Variants in ESRRG observed in about 807,000 individuals in gnomAD.
The protein encoded by ESRRG is estrogen-related receptor gamma.
ESRRG carries 13 observed loss-of-function variants against 44.0 expected under a neutral mutation model. The ratio of observed to expected loss-of-function variants is 0.30; its 90% CI spans 0.19 to 0.47. The LOEUF (loss-of-function observed/expected upper bound fraction) is 0.47. Among genes scored for constraint, ESRRG ranks in the 20% least tolerant of loss-of-function variants. ESRRG has a pLI of 1.00. For missense variants in ESRRG, 395 were observed against 580.6 expected (o/e 0.68, Z 3.29); for synonymous variants, 215 against 214.6 (o/e 1.00, Z -0.02).
At chr1:217,059,397 G>A (rs555623102) in intron 1 of ESRRG, among the ~76,000 whole-genome samples, 7 of 152,050 alleles carry the variant, frequency 4.6e-5, no homozygotes, top group Non-Finnish European at 8.8e-5. Context: ...GTACCAACGC[G>A]CATCCCTAGC....
intron 2 of ESRRG, among the ~76,000 whole-genome samples, chr1:216,912,673 A>G (rs2060614920): frequency 6.6e-6 from 1 of 152,198 alleles, no homozygotes; most frequent in Non-Finnish European, 1.5e-5. Context: ...ATAATACTTT[A>G]CAAATCATGA....
intron 2 of ESRRG, among the ~76,000 whole-genome samples, chr1:216,773,201 C>T (rs1364571776): frequency 2.0e-5 from 3 of 151,924 alleles, no homozygotes; most frequent in African/African-American, 4.8e-5. Context: ...TGAAAGATAG[C>T]GTAAATTGTG....
At chr1:216,558,847 CTGTTTTTTGTTTTT>C (rs199766097) in intron 5 of ESRRG, among the ~76,000 whole-genome samples, 38 of 151,712 alleles carry the variant, frequency 2.5e-4, no homozygotes, top group African/African-American at 8.0e-4. Context: ...TAATTGTATT[CTGTTTTTTGTTTTT>C]TGTTTTTTGT....
intron 1 of ESRRG, among the ~76,000 whole-genome samples, chr1:217,133,631 T>TTCTTTCTTTC (rs1491192210): frequency 1.7e-5 from 1 of 58,450 alleles, no homozygotes; most frequent in African/African-American, 4.9e-5. Flanking sequence ...CTTTCTTTCT[T>TTCTTTCTTTC]TCTCTCTCTC....
intron 1 of ESRRG, among the ~76,000 whole-genome samples, chr1:217,018,354 C>G (rs1323471659): frequency 6.6e-6 from 1 of 152,170 alleles, no homozygotes; most frequent in Non-Finnish European, 1.5e-5. Context: ...CCGTTTCCCT[C>G]CAACCCATCC....
chr1:216,980,948 A>G (rs35921443), intron 1 of ESRRG, among the ~76,000 whole-genome samples: 25,577 of 152,142 alleles, frequency 0.17, 2,872 homozygotes, highest in Admixed American at 0.29. Context: ...CACCTTATCC[A>G]TAGGGAAACT....
chr1:216,946,338 C>G (rs541154663), intron 1 of ESRRG, among the ~76,000 whole-genome samples: 9 of 152,068 alleles, frequency 5.9e-5, no homozygotes, highest in African/African-American at 2.2e-4. Context: ...ATCATCGGTT[C>G]GAGAGGTGCT....
chr1:216,895,881 G>A (rs933496579), intron 2 of ESRRG, among the ~76,000 whole-genome samples: 2 of 152,138 alleles, frequency 1.3e-5, no homozygotes, highest in African/African-American at 4.8e-5. Context: ...TTTGCAGTGA[G>A]TTCAAATGGA....
chr1:217,056,911 G>C (rs546043619), intron 1 of ESRRG, among the ~76,000 whole-genome samples: 13 of 152,160 alleles, frequency 8.5e-5, no homozygotes, highest in African/African-American at 3.1e-4. Flanking sequence ...AGAGAACCCA[G>C]AAGAGCTAAT....
At chr1:216,984,054 G>C (rs894593074) in intron 1 of ESRRG, among the ~76,000 whole-genome samples, 10 of 149,146 alleles carry the variant, frequency 6.7e-5, no homozygotes, top group Non-Finnish European at 8.9e-5. Flanking sequence ...AGAATGGGGG[G>C]GGGTATGTGG....
intron 1 of ESRRG, among the ~76,000 whole-genome samples, chr1:216,690,131 CA>C (rs2078794071): frequency 6.6e-6 from 1 of 152,042 alleles, no homozygotes; most frequent in Non-Finnish European, 1.5e-5. Flanking sequence ...CATATCCCCA[CA>C]AAAAGAACTG....
intron 2 of ESRRG, among the ~76,000 whole-genome samples, chr1:216,897,621 A>G (rs1213218719): frequency 6.6e-6 from 1 of 152,230 alleles, no homozygotes; most frequent in Admixed American, 6.5e-5. Flanking sequence ...AAAGGAGAGC[A>G]GGAGATTAGA....
At chr1:217,048,854 T>A (rs1580072604) in intron 1 of ESRRG, among the ~76,000 whole-genome samples, 2 of 152,316 alleles carry the variant, frequency 1.3e-5, no homozygotes, top group African/African-American at 2.4e-5. Flanking sequence ...CCACTCTATC[T>A]GCTCTCAACT....
chr1:216,937,982 G>A (rs947899542), intron 2 of ESRRG, among the ~76,000 whole-genome samples: 1 of 151,478 alleles, frequency 6.6e-6, no homozygotes, highest in African/African-American at 2.4e-5. Flanking sequence ...GGGAAACTCT[G>A]GAAAAGCAAA....
intron 2 of ESRRG, among the ~76,000 whole-genome samples, chr1:216,904,211 C>CT (rs201137269): frequency 2.0e-5 from 3 of 151,266 alleles, no homozygotes; most frequent in East Asian, 3.9e-4. Flanking sequence ...ATCACCCCCC[C>CT]CAACTGATAA....
intron 3 of ESRRG, among the ~76,000 whole-genome samples, chr1:216,602,003 C>T (rs999318918): frequency 6.6e-6 from 1 of 152,144 alleles, no homozygotes; most frequent in African/African-American, 2.4e-5. Context: ...GGTTGAATGA[C>T]TTGCCCAAGA....
intron 1 of ESRRG, among the ~76,000 whole-genome samples, chr1:217,133,717 C>T (rs115260055): frequency 0.019 from 2,518 of 134,700 alleles, 80 homozygotes; most frequent in South Asian, 0.13. Flanking sequence ...TTTTCCTTCT[C>T]TCTTTTCCTC....
chr1:216,723,361 A>G lies in ESRRG; in HGVS notation c.-62T>C, dbSNP rs2086788047. The G allele has an allele frequency of 2.7e-6, 4 of 1,500,742 alleles. No individual in the cohort carries two copies. The highest frequency in any genetic ancestry group is 1.7e-5 in the Admixed American group (1 of 59,802). 93.0% of individuals were successfully genotyped at this position (1,500,742 alleles called of 1,614,324 possible). On this transcript the variant is annotated 5_prime_UTR_variant, in exon 1 of 7. Transcript: ENST00000408911. The stretch of plus-strand genomic sequence containing the variant: ...TAAATCAAAGTTTCCTTGACAGAGC[A>G]CAGTGCAATTAACACAAATGTTCTC...
intron 2 of ESRRG, among the ~76,000 whole-genome samples, chr1:216,734,781 G>A (rs1420600204): frequency 1.3e-5 from 2 of 151,782 alleles, no homozygotes; most frequent in African/African-American, 4.8e-5. Flanking sequence ...TTTTAATGGG[G>A]CTAATATATT....
Sources: gnomAD v4.1 joint callset for allele counts (sites outside exome capture counted in the v4.1 genomes callset) on GRCh38, gnomAD v4.1.1 for gene constraint, MANE v1.5 for transcripts, NCBI Gene and HGNC (gene_info 2026-07-23, HGNC 2026-07-21) for gene names.